Variants in SLC11A2 observed in about 807,000 individuals in gnomAD.
SLC11A2 encodes natural resistance-associated macrophage protein 2.
Under a neutral mutation model 68.0 loss-of-function variants are expected in SLC11A2, and 38 were observed. That is an observed-to-expected ratio of 0.56 (90% confidence interval 0.43 to 0.73). The LOEUF (loss-of-function observed/expected upper bound fraction) is 0.73, where lower values mean the gene tolerates loss of function less well. SLC11A2 is among the 30% of genes least tolerant of loss of function. SLC11A2 has a pLI of 0.00. For synonymous variants in SLC11A2, 242 were observed against 250.6 expected, an observed-to-expected ratio of 0.97 and a Z score of 0.32; for missense variants, 517 against 690.5, an observed-to-expected ratio of 0.75 and a Z score of 2.82.
At chr12:50,970,446 T>C in the SLC11A2 span, 1 of 1,472,886 alleles carries the variant, frequency 6.8e-7, no homozygotes, top group Non-Finnish European at 9.3e-7. Context: ...TTCTAGGTGT[T>C]CTCTATTCTA....
the SLC11A2 span, among the ~76,000 whole-genome samples, chr12:50,953,521 G>A: frequency 6.6e-6 from 1 of 152,184 alleles, no homozygotes; most frequent in Non-Finnish European, 1.5e-5. Context: ...ACTTTATAAT[G>A]CCCTGCACAT....
chr12:51,009,074 T>C (rs1942987536), intron 2 of SLC11A2: 1 of 1,108,012 alleles, frequency 9.0e-7, no homozygotes, highest in Non-Finnish European at 1.3e-6. Context: ...TAGGCCTGTC[T>C]AGCGAAATGT....
At chr12:51,005,284 A>G (rs746947494) in intron 4 of SLC11A2, 27 bp downstream of exon 4, 1 of 1,612,880 alleles carries the variant, frequency 6.2e-7, no homozygotes, top group Non-Finnish European at 8.5e-7. Context: ...TGTGCTTAAA[A>G]GGACAGGGGT....
chr12:51,012,972 G>T (rs1018208588), intron 1 of SLC11A2, among the ~76,000 whole-genome samples: 3 of 152,154 alleles, frequency 2.0e-5, no homozygotes, highest in Non-Finnish European at 4.4e-5. Flanking sequence ...GCACAGCCCC[G>T]ACGTTCCCGG....
At position 51,018,565 on chromosome 12, in the gene SLC11A2, C is replaced by T. The variant is rs111925941; in HGVS notation, c.-39+7745G>A. 7.1e-3 allele frequency among the ~76,000 whole-genome samples: 1,065 copies of T among 150,324 alleles called. 21 individuals carry two copies. The highest frequency in any genetic ancestry group is 0.024 in the African/African-American group (991 of 40,826). ...ATCCTAGCATTTTGGAAGGCCAAGG[C>T]GAGCAGAGTTCAATGCCAGCCTGGG... On this transcript the variant is annotated intron_variant, in intron 1 of 15. Transcript: ENST00000262052.
the SLC11A2 span, among the ~76,000 whole-genome samples, chr12:50,962,999 A>G: frequency 2.0e-5 from 3 of 149,762 alleles, no homozygotes; most frequent in African/African-American, 7.5e-5. Context: ...AGGTATTTGA[A>G]CTTATATAAT....
At chr12:50,963,815 T>C in the SLC11A2 span, among the ~76,000 whole-genome samples, 5 of 152,190 alleles carry the variant, frequency 3.3e-5, no homozygotes, top group African/African-American at 7.2e-5. Flanking sequence ...TTCTGGAAAA[T>C]GCAGTTACAG....
Position 50,991,592 on chromosome 12 carries a change from C to T in SLC11A2, c.1421+7G>A. On this transcript the variant is annotated splice_region_variant and intron_variant, in intron 14 of 15. Coordinates refer to ENST00000262052, the MANE Select transcript of SLC11A2 (RefSeq NM_000617.3). ...TCCCCTTTGGGAACGAAGAGGAGTA[C>T]ACTCACAGTCCATTGGCAAAGTCAC... The T allele has an allele frequency of 6.2e-7, 1 of 1,612,144 alleles. No homozygotes were observed. The highest frequency in any genetic ancestry group is 2.2e-5 in the East Asian group (1 of 44,874).
At chr12:50,967,157 T>A in the SLC11A2 span, among the ~76,000 whole-genome samples, 1 of 150,794 alleles carries the variant, frequency 6.6e-6, no homozygotes, top group East Asian at 1.9e-4. Flanking sequence ...GCTCTGTCAC[T>A]CAGGCTGGAG....
chr12:50,968,143 G>A, the SLC11A2 span, among the ~76,000 whole-genome samples: 2 of 152,018 alleles, frequency 1.3e-5, no homozygotes, highest in Non-Finnish European at 2.9e-5. Context: ...AGGAGGAGGA[G>A]GAGAAGGGAT....
At chr12:50,961,094 T>C in the SLC11A2 span, 2 of 1,613,918 alleles carry the variant, frequency 1.2e-6, no homozygotes, top group Non-Finnish European at 1.7e-6. Context: ...GTTGGAGCTG[T>C]GACTCTAGGT....
intron 2 of SLC11A2, chr12:51,009,242 T>C (rs1240580536): frequency 1.5e-6 from 2 of 1,377,890 alleles, no homozygotes; most frequent in East Asian, 2.8e-5. Context: ...AGGAACCCTT[T>C]GTACTCTGAC....
chr12:50,992,915 T>C lies in SLC11A2; in HGVS notation c.1092A>G (p.Gly364=), dbSNP rs757836134. Residue 364 remains glycine, a synonymous_variant, in exon 12 of 16, where the codon GGA becomes GGG. Coordinates refer to ENST00000262052, the MANE Select transcript of SLC11A2 (RefSeq NM_000617.3). ...AGAGTGCAGCAGGCCCAAAGTAACA[T>C]CCCAGCACAACACCCTGTGAGAGGC... ...VDIYKGGVVL[G]CYFGPAALYI... 1.2e-6 allele frequency: 2 copies of C among 1,613,650 alleles called. No individual in the cohort carries two copies. The highest frequency in any genetic ancestry group is 3.3e-5 in the Admixed American group (2 of 59,946).
At chr12:50,983,711 G>A (rs908999263), downstream of SLC11A2, among the ~76,000 whole-genome samples, 3 of 152,060 alleles carry the variant, frequency 2.0e-5, no homozygotes, top group Admixed American at 1.3e-4. Context: ...AGTGGCTCAC[G>A]TTTGTAATCC....
chr12:51,026,479 C>G, upstream of SLC11A2: 1 of 664,332 alleles, frequency 1.5e-6, no homozygotes, highest in Non-Finnish European at 2.3e-6. Flanking sequence ...ATGCGTGGCC[C>G]GCAGACCAGG....
At chr12:50,962,758 T>A in the SLC11A2 span, among the ~76,000 whole-genome samples, 1 of 152,090 alleles carries the variant, frequency 6.6e-6, no homozygotes, top group South Asian at 2.1e-4. Flanking sequence ...GGTATTTAAC[T>A]AGGGCTGGGA....
chr12:51,024,894 G>A (rs1304480948), intron 1 of SLC11A2: 2 of 152,184 alleles, frequency 1.3e-5, no homozygotes, highest in Non-Finnish European at 2.9e-5. Context: ...CCGGAAACAT[G>A]AGAAACCAAG....
chr12:51,010,863 T>A (rs558832539), intron 1 of SLC11A2, 97 bp from the exon 2 acceptor site: 67 of 514,982 alleles, frequency 1.3e-4, no homozygotes, highest in African/African-American at 1.2e-3. Flanking sequence ...ATCCTTACTA[T>A]GAAAAGAGTA....
At chr12:50,971,144 T>G in the SLC11A2 span, among the ~76,000 whole-genome samples, 1 of 152,296 alleles carries the variant, frequency 6.6e-6, no homozygotes, top group African/African-American at 2.4e-5. Flanking sequence ...CTTCCCAAAG[T>G]GCTGGGATTA....
Sources: allele counts gnomAD v4.1 joint callset (sites outside exome capture counted in the v4.1 genomes callset), GRCh38; gene constraint gnomAD v4.1.1; transcripts MANE v1.5; gene names NCBI Gene and HGNC (gene_info 2026-07-23, HGNC 2026-07-21).